The following PRKDC variants were observed in gnomAD, a reference collection of about 807,000 sequenced individuals.
PRKDC encodes the protein protein kinase, DNA-activated, catalytic subunit.
A neutral mutation model predicts 486.9 loss-of-function variants in PRKDC; 82 were observed. The observed-to-expected ratio is 0.17, with a 90% CI of 0.14 to 0.20. The LOEUF (loss-of-function observed/expected upper bound fraction) is 0.20. Among genes scored for constraint, PRKDC ranks in the 10% least tolerant of loss-of-function variants. The pLI is 1.00. For synonymous variants in PRKDC, 1,895 were observed against 1,837.0 expected, an observed-to-expected ratio of 1.03 and a Z score of -0.81; for missense variants, 4,504 against 5,038.2, an observed-to-expected ratio of 0.89 and a Z score of 3.21.
At chr8:47,956,620 C>A (rs2090706342) in intron 3 of PRKDC, among the ~76,000 whole-genome samples, 1 of 151,040 alleles carries the variant, frequency 6.6e-6, no homozygotes, top group Non-Finnish European at 1.5e-5. Context: ...TGAGAATCAC[C>A]TGAGCCCACG....
chr8:47,948,135 T>C (rs573782589), intron 7 of PRKDC, among the ~76,000 whole-genome samples: 1 of 151,298 alleles, frequency 6.6e-6, no homozygotes, highest in East Asian at 2.0e-4. Flanking sequence ...CGCGTTTATA[T>C]ATATGTATAT....
At position 47,939,532 on chromosome 8, in the gene PRKDC, G is replaced by GT. The variant is rs2090406406; in HGVS notation, c.1113+18dup. 6.2e-7 allele frequency: 1 copy of GT among 1,601,628 alleles called. No individual in the cohort carries two copies. The highest frequency in any genetic ancestry group is 1.3e-5 in the African/African-American group (1 of 74,316). On this transcript the variant is annotated intron_variant, in intron 11 of 85. Coordinates refer to ENST00000314191, the MANE Select transcript of PRKDC (RefSeq NM_006904.7). ...TCACGTGAAACCAAGACAAAATAGA[G>GT]TAAGTTAATGAGACATACTCCTGCA... is the stretch of plus-strand genomic sequence containing the variant.
intron 44 of PRKDC, 22 bp downstream of exon 44, chr8:47,862,040 T>A: frequency 6.5e-7 from 1 of 1,529,068 alleles, no homozygotes. Context: ...AAGTTTTTTT[T>A]AACATTGAAA....
chr8:47,853,132 G>C (rs1049439711), intron 51 of PRKDC, among the ~76,000 whole-genome samples: 33 of 152,194 alleles, frequency 2.2e-4, no homozygotes, highest in Admixed American at 1.4e-3. Context: ...TACTATAGCA[G>C]GACAAGGACA....
Position 47,778,773 on chromosome 8 carries a change from G to GT in PRKDC, c.11605dup (p.Thr3869AsnfsTer4). The GT allele has an allele frequency of 6.2e-7, 1 of 1,613,698 alleles. No homozygotes were observed. The highest frequency in any genetic ancestry group is 8.5e-7 in the Non-Finnish European group (1 of 1,179,756). The stretch of plus-strand genomic sequence containing the variant: ...TTTACTTTCTCGTTTTCTAAAAGAC[G>GT]TGACTGTTTCAGTACGATTAGCGCC... On this transcript the variant is annotated frameshift_variant, in exon 82 of 86. Coordinates refer to ENST00000314191, the MANE Select transcript of PRKDC (RefSeq NM_006904.7). LOFTEE classifies it high-confidence loss of function.
intron 31 of PRKDC, among the ~76,000 whole-genome samples, chr8:47,890,685 G>A (rs2089438870): frequency 6.6e-6 from 1 of 152,114 alleles, no homozygotes. Context: ...GGAAAGTCAG[G>A]TCTTTATTCC....
chr8:47,816,967 C>A (rs968118248), intron 68 of PRKDC, among the ~76,000 whole-genome samples: 1 of 152,124 alleles, frequency 6.6e-6, no homozygotes, highest in South Asian at 2.1e-4. Context: ...CCTATGGATT[C>A]CACAGGTTAG....
intron 58 of PRKDC, among the ~76,000 whole-genome samples, chr8:47,835,620 CA>C (rs71548446): frequency 0.053 from 1,079 of 20,338 alleles, no homozygotes; most frequent in African/African-American, 0.16. Flanking sequence ...GACTCTGTCT[CA>C]AAAAAAAAAA....
intron 21 of PRKDC, among the ~76,000 whole-genome samples, chr8:47,923,496 A>G (rs1437614755): frequency 6.6e-6 from 1 of 152,226 alleles, no homozygotes; most frequent in African/African-American, 2.4e-5. Flanking sequence ...AGTGGCACTG[A>G]GTTCCCCTCA....
intron 55 of PRKDC, 143 bp from the exon 56 acceptor site, chr8:47,839,389 C>A: frequency 1.5e-6 from 1 of 657,052 alleles, no homozygotes; most frequent in Admixed American, 2.3e-5. Context: ...CAGCTTGCCC[C>A]ACTCATGGGT....
In PRKDC at chr8:47,834,089, T is replaced by A. The variant is rs1212470881; in HGVS notation, c.8152+107A>T. 2.1e-6 allele frequency: 3 copies of A among 1,399,190 alleles called. No homozygotes were observed. The African/African-American group carries it at 4.3e-5, about 20-fold the overall frequency. The allele number at this position is 1,399,190 out of a possible 1,614,324, so 86.7% of individuals were successfully genotyped here. A position where few individuals can be genotyped will look rare whatever the true frequency, so the allele number is the denominator to read the frequency against. ...TTAACTGAATTTTAAAGGGCTTGAT[T>A]ACGAATGAGAAGGAAACATGGATAC... is the stretch of plus-strand genomic sequence containing the variant. On this transcript the variant is annotated intron_variant, in intron 59 of 85. Coordinates refer to ENST00000314191, the MANE Select transcript of PRKDC (RefSeq NM_006904.7).
chr8:47,924,301 G>C (rs2090121114), intron 21 of PRKDC, among the ~76,000 whole-genome samples: 1 of 152,156 alleles, frequency 6.6e-6, no homozygotes, highest in South Asian at 2.1e-4. Flanking sequence ...GCTCATGCCT[G>C]TAACCCCAGC....
At chr8:47,900,334 A>ATGAG in intron 28 of PRKDC, 39 bp downstream of exon 28, 1 of 1,483,208 alleles carries the variant, frequency 6.7e-7, no homozygotes. Flanking sequence ...GAAACTCTTC[A>ATGAG]GACCTGTAAC....
At chr8:47,861,452 G>A (rs1430953068) in intron 44 of PRKDC, among the ~76,000 whole-genome samples, 2 of 152,234 alleles carry the variant, frequency 1.3e-5, no homozygotes, top group Non-Finnish European at 2.9e-5. Flanking sequence ...TTCAGAAGAA[G>A]TACAAGGCAG....
Position 47,959,972 on chromosome 8 carries a change from C to T in PRKDC, c.154+1G>A. 6.5e-7 allele frequency: 1 copy of T among 1,535,118 alleles called. No individual in the cohort carries two copies. On this transcript the variant is annotated splice_donor_variant, in intron 1 of 85. Coordinates refer to ENST00000314191, the MANE Select transcript of PRKDC (RefSeq NM_006904.7). LOFTEE classifies it high-confidence loss of function. ...GCGGCCCAGCTCGGGCCGGTACCCA[C>T]CCAGCACCGCGGGGCTGCTGCTCAG...
rs770078099 is a variant in PRKDC at position 47,889,166 on chromosome 8, C to T, written c.4128G>A (p.Leu1376=). Residue 1376 remains leucine (L), a synonymous_variant, in exon 33 of 86, where the codon CTG becomes CTA. Transcript: ENST00000314191. ...THLMRVLVQT[L]CEPASIGFNI... ...TGAAACCTATGCTTGCGGGCTCACA[C>T]AGCGTCTGCACCAGGACTCTCATCA... The T allele has an allele frequency of 6.2e-7, 1 of 1,613,944 alleles. No homozygotes were observed. The highest frequency in any genetic ancestry group is 1.1e-5 in the South Asian group (1 of 91,086).
At chr8:47,801,201 A>T (rs2154498242) in intron 70 of PRKDC, among the ~76,000 whole-genome samples, 1 of 152,174 alleles carries the variant, frequency 6.6e-6, no homozygotes, top group African/African-American at 2.4e-5. Flanking sequence ...CCTCCCAATT[A>T]GCTGGGACTA....
At chr8:47,840,863 T>C (rs758563098) in intron 54 of PRKDC, among the ~76,000 whole-genome samples, 1 of 152,156 alleles carries the variant, frequency 6.6e-6, no homozygotes, top group African/African-American at 2.4e-5. Context: ...AATATTTACA[T>C]AGGAGGGGGA....
intron 56 of PRKDC, 88 bp downstream of exon 56, chr8:47,839,060 A>T: frequency 9.9e-7 from 1 of 1,014,506 alleles, no homozygotes; most frequent in Non-Finnish European, 1.5e-6. Flanking sequence ...CTGCAAATAC[A>T]TTTCTAAAAC....
Sources: gnomAD v4.1 joint callset for allele counts (sites outside exome capture counted in the v4.1 genomes callset) on GRCh38, gnomAD v4.1.1 for gene constraint, MANE v1.5 for transcripts, NCBI Gene and HGNC (gene_info 2026-07-23, HGNC 2026-07-21) for gene names.